VSIG1: variants seen among roughly 807,000 people sequenced by gnomAD.
The protein encoded by VSIG1 is V-set and immunoglobulin domain containing 1, also known as V-set and immunoglobulin domain-containing protein 1.
VSIG1 carries 11 observed loss-of-function variants against 20.1 expected under a neutral mutation model. The ratio of observed to expected loss-of-function variants is 0.55; its 90% CI spans 0.34 to 0.91. The LOEUF is 0.91. Among genes scored for constraint, VSIG1 ranks in the 40% least tolerant of loss-of-function variants. The pLI, the probability that VSIG1 is intolerant of heterozygous loss-of-function variation, is 0.02. For missense variants in VSIG1, 283 were observed against 298.8 expected (o/e 0.95, Z 0.39); for synonymous variants, 126 against 116.7 (o/e 1.08, Z -0.52).
At chrX:108,074,624 C>T (rs766099052) in intron 5 of VSIG1, among the ~76,000 whole-genome samples, 1 of 112,185 alleles carries the variant, frequency 8.9e-6, no homozygotes, top group Non-Finnish European at 1.9e-5. Flanking sequence ...CTAAAACATG[C>T]TAAATCCTAT....
chrX:108,031,694 A>G, the VSIG1 span, among the ~76,000 whole-genome samples: 4 of 112,581 alleles, frequency 3.6e-5, no homozygotes, highest in Non-Finnish European at 5.6e-5. Context: ...CAAACTATAC[A>G]CATCTGTATA....
In VSIG1 at chrX:108,077,320, C is replaced by G. The variant is rs375589111; in HGVS notation, c.1103C>G (p.Ser368Ter). The G allele has an allele frequency of 3.7e-4, 445 of 1,210,469 alleles. No homozygotes were observed. Among genetic ancestry groups the G allele is most frequent in the Non-Finnish European group, 4.8e-4 (430 of 895,411 alleles). Reference protein sequence around the residue: ...LEPEPEPEPESEPGVVVEPLS... With the variant: ...LEPEPEPEPE Reference sequence around the variant, plus strand: ...CCAGAGCCAGAGCCAGAGCCAGAGTCAGAGCCTGGGGTTGTAGTTGAGCCC... The same window carrying G: ...CCAGAGCCAGAGCCAGAGCCAGAGTGAGAGCCTGGGGTTGTAGTTGAGCCC... Residue 368 changes from serine to a stop codon, truncating the protein, a stop_gained, in exon 7 of 7, where the codon TCA becomes TGA. Coordinates refer to ENST00000217957, the MANE Select transcript of VSIG1 (RefSeq NM_182607.5). LOFTEE classifies it low-confidence loss of function (END_TRUNC).
chrX:108,038,835 GC>G, the VSIG1 span, among the ~76,000 whole-genome samples: 2 of 111,809 alleles, frequency 1.8e-5, no homozygotes, highest in Non-Finnish European at 3.8e-5. Flanking sequence ...CGTCTTCTAA[GC>G]TATTTTATTT....
the VSIG1 span, among the ~76,000 whole-genome samples, chrX:108,033,281 G>A: frequency 8.9e-6 from 1 of 112,388 alleles, no homozygotes; most frequent in African/African-American, 3.2e-5. Context: ...GTCGCTACGA[G>A]CGGTGAGATC....
intron 1 of VSIG1, among the ~76,000 whole-genome samples, chrX:108,046,060 C>T (rs959265789): frequency 9.0e-6 from 1 of 110,712 alleles, no homozygotes; most frequent in Non-Finnish European, 1.9e-5. Flanking sequence ...GGTTATATAC[C>T]GAAGTGCTCA....
chrX:108,037,611 G>T, the VSIG1 span, among the ~76,000 whole-genome samples: 2 of 112,304 alleles, frequency 1.8e-5, no homozygotes, highest in Non-Finnish European at 3.8e-5. Context: ...GTAATGATTT[G>T]CCACTATTTC....
chrX:108,072,854 C>T (rs2031278703), intron 4 of VSIG1, 22 bp downstream of exon 4: 3 of 1,200,737 alleles, frequency 2.5e-6, no homozygotes, highest in Admixed American at 2.2e-5. Flanking sequence ...CTGCAGTAGA[C>T]CCTGGAAAGG....
chrX:108,032,567 T>C, the VSIG1 span, among the ~76,000 whole-genome samples: 1 of 111,550 alleles, frequency 9.0e-6, no homozygotes, highest in Middle Eastern at 4.2e-3. Context: ...GGGTGACAGG[T>C]GCATAGGGCA....
intron 3 of VSIG1, among the ~76,000 whole-genome samples, chrX:108,071,293 T>A (rs1371134053): frequency 9.0e-6 from 1 of 110,730 alleles, no homozygotes; most frequent in Non-Finnish European, 1.9e-5. Flanking sequence ...GCAAGGTGAG[T>A]TGGAAAGTAT....
At chrX:108,039,966 C>T in the VSIG1 span, among the ~76,000 whole-genome samples, 1 of 110,571 alleles carries the variant, frequency 9.0e-6, no homozygotes, top group Non-Finnish European at 1.9e-5. Flanking sequence ...TTTCTATAGT[C>T]TTGGATTGGG....
intron 1 of VSIG1, among the ~76,000 whole-genome samples, chrX:108,047,536 C>T (rs927908343): frequency 2.8e-5 from 3 of 108,786 alleles, no homozygotes; most frequent in Non-Finnish European, 5.7e-5. Flanking sequence ...CACTCAAATC[C>T]AAAAAAGTGA....
At chrX:108,046,318 T>C (rs2030575823) in intron 1 of VSIG1, among the ~76,000 whole-genome samples, 2 of 112,152 alleles carry the variant, frequency 1.8e-5, no homozygotes, top group African/African-American at 3.2e-5. Flanking sequence ...GTGACCTAAC[T>C]AGGCCCTAGA....
chrX:108,047,981 T>TAC, intron 1 of VSIG1, among the ~76,000 whole-genome samples: 2 of 66,086 alleles, frequency 3.0e-5, no homozygotes, highest in Admixed American at 3.7e-4. Context: ...TATATATATA[T>TAC]ATATATATAT....
At chrX:108,056,774 T>C (rs906710351) in intron 1 of VSIG1, among the ~76,000 whole-genome samples, 11 of 112,310 alleles carry the variant, frequency 9.8e-5, no homozygotes, top group Non-Finnish European at 5.6e-5. Context: ...ATCCTTTTAT[T>C]TGGTGGTGGT....
the VSIG1 span, among the ~76,000 whole-genome samples, chrX:108,036,352 G>A: frequency 9.1e-6 from 1 of 110,219 alleles, no homozygotes; most frequent in African/African-American, 3.3e-5. Flanking sequence ...GTGTTGAATA[G>A]GAGTTGGGGG....
chrX:108,043,756 G>A (rs1285136159), upstream of VSIG1, among the ~76,000 whole-genome samples: 2 of 111,897 alleles, frequency 1.8e-5, no homozygotes, highest in Non-Finnish European at 3.8e-5. Context: ...TGGGAGATTG[G>A]AATGGCTAAA....
At chrX:108,047,790 C>CTA (rs780506512) in intron 1 of VSIG1, among the ~76,000 whole-genome samples, 1,218 of 55,576 alleles carry the variant, frequency 0.022, 43 homozygotes, top group African/African-American at 0.034. Flanking sequence ...CTCTCTCTCT[C>CTA]TATATATATA....
intron 1 of VSIG1, among the ~76,000 whole-genome samples, chrX:108,050,589 C>T (rs1256610099): frequency 8.9e-6 from 1 of 112,421 alleles, no homozygotes; most frequent in African/African-American, 3.2e-5. Flanking sequence ...TTGGAAAGTG[C>T]TCATATAGAA....
the VSIG1 span, among the ~76,000 whole-genome samples, chrX:108,039,679 G>A: frequency 9.0e-6 from 1 of 110,957 alleles, no homozygotes; most frequent in Non-Finnish European, 1.9e-5. Context: ...CCATGATCCG[G>A]GTAATGGGCA....
Sources: gnomAD v4.1 joint callset for allele counts (sites outside exome capture counted in the v4.1 genomes callset) on GRCh38, gnomAD v4.1.1 for gene constraint, MANE v1.5 for transcripts, NCBI Gene and HGNC (gene_info 2026-07-23, HGNC 2026-07-21) for gene names.